The following UNC13C variants were observed in gnomAD, a reference collection of about 807,000 sequenced individuals.
UNC13C encodes the protein protein unc-13 homolog C.
In UNC13C, 174 loss-of-function variants were observed where a neutral mutation model predicts 245.4. That is an observed-to-expected ratio of 0.71 (90% CI 0.63 to 0.80). UNC13C has a LOEUF of 0.80. UNC13C is among the 30% of genes least tolerant of loss of function. UNC13C has a pLI of 0.00. For missense variants in UNC13C, 2,829 were observed against 2,602.9 expected, an observed-to-expected ratio of 1.09 and a Z score of -1.89; for synonymous variants, 992 against 895.1, an observed-to-expected ratio of 1.11 and a Z score of -1.93.
rs181197802 is a variant in UNC13C at position 53,991,144 on chromosome 15, G to T, written c.-257+12217G>T. 4.9e-4 allele frequency among the ~76,000 whole-genome samples: 74 copies of T among 152,086 alleles called. 1 individual carries two copies. The highest frequency in any genetic ancestry group is 1.7e-3 in the African/African-American group (72 of 41,518). Reference sequence around the variant, plus strand: ...AATTATGAGACTTCTTTCTATTAGGGTATCATTTATAACCTGGTACTTGAA... The same window carrying T: ...AATTATGAGACTTCTTTCTATTAGGTTATCATTTATAACCTGGTACTTGAA... On this transcript the variant is annotated intron_variant, in intron 1 of 32. Coordinates refer to ENST00000260323, the MANE Select transcript of UNC13C (RefSeq NM_001080534.3).
In UNC13C at chr15:54,006,629, T is replaced by C. The variant is rs573386925; in HGVS notation, c.-256-6019T>C. ...TACTCCTTCATGTGGAAAGGATATA[T>C]AAAACAGGTATAAATCTTCATTGAC... is the stretch of plus-strand genomic sequence containing the variant. On this transcript the variant is annotated intron_variant, in intron 1 of 32. Transcript: ENST00000260323. 8.5e-4 allele frequency among the ~76,000 whole-genome samples: 129 copies of C among 152,326 alleles called. 1 individual carries two copies. The highest frequency in any genetic ancestry group is 1.7e-3 in the South Asian group (8 of 4,824).
chr15:54,537,954 C>A (rs1226797563), intron 26 of UNC13C, among the ~76,000 whole-genome samples: 1 of 151,120 alleles, frequency 6.6e-6, no homozygotes, highest in Admixed American at 6.6e-5. Flanking sequence ...ATTCCAAAAG[C>A]AATTGCAACA....
At chr15:54,608,316 C>T (rs117686970) in intron 30 of UNC13C, among the ~76,000 whole-genome samples, 57 of 152,292 alleles carry the variant, frequency 3.7e-4, no homozygotes, top group Non-Finnish European at 7.8e-4. Context: ...CTCATTTTGT[C>T]CTCATGATCT....
At chr15:54,354,326 A>C (rs2039047159) in intron 17 of UNC13C, among the ~76,000 whole-genome samples, 1 of 152,186 alleles carries the variant, frequency 6.6e-6, no homozygotes, top group African/African-American at 2.4e-5. Context: ...TGCTAAATTC[A>C]CTGACCAGAC....
At chr15:53,861,053 A>G in the UNC13C span, among the ~76,000 whole-genome samples, 1 of 152,204 alleles carries the variant, frequency 6.6e-6, no homozygotes, top group East Asian at 1.9e-4. Flanking sequence ...AAAGCTAGAG[A>G]TACTTTACAT....
chr15:54,627,354 GTTTAT>G lies in UNC13C; in HGVS notation c.*245_*249del, dbSNP rs997779534. 74 of 333,112 alleles carry G rather than the reference GTTTAT, an allele frequency of 2.2e-4. No homozygotes were observed. The highest frequency in any genetic ancestry group is 1.4e-3 in the African/African-American group (69 of 47,758). The allele number at this position is 333,112 out of a possible 1,614,324, so 20.6% of individuals were successfully genotyped here. ...AAATATCAAGAACACCTTTTAACAT[GTTTAT>G]TTTGTTTCTTTACCCATTTCACATT... On this transcript the variant is annotated 3_prime_UTR_variant, in exon 33 of 33. Coordinates refer to ENST00000260323, the MANE Select transcript of UNC13C (RefSeq NM_001080534.3).
At chr15:53,995,370 C>A (rs1311335692) in intron 1 of UNC13C, among the ~76,000 whole-genome samples, 1 of 152,020 alleles carries the variant, frequency 6.6e-6, no homozygotes, top group Non-Finnish European at 1.5e-5. Flanking sequence ...CAGTCTTCAA[C>A]CTAGAAATCA....
chr15:54,049,338 A>G (rs1897175836), intron 2 of UNC13C: 5 of 511,480 alleles, frequency 9.8e-6, no homozygotes, highest in Non-Finnish European at 1.9e-5. Context: ...CGATACTACT[A>G]ACATCTACAA....
At chr15:53,859,010 T>A in the UNC13C span, among the ~76,000 whole-genome samples, 1 of 152,092 alleles carries the variant, frequency 6.6e-6, no homozygotes, top group African/African-American at 2.4e-5. Context: ...ATATTTGAAG[T>A]CTGATAAATC....
At chr15:54,121,488 G>A (rs2030664625) in intron 2 of UNC13C, among the ~76,000 whole-genome samples, 1 of 151,984 alleles carries the variant, frequency 6.6e-6, no homozygotes. Context: ...TGTTTCTGTG[G>A]TATGCCTGTG....
chr15:54,630,151 T>C (rs578237484), downstream of UNC13C: 5 of 152,310 alleles, frequency 3.3e-5, no homozygotes, highest in East Asian at 9.6e-4. Context: ...TGGATAAACC[T>C]CACATTACAG....
At chr15:54,191,512 C>T (rs551181066) in intron 4 of UNC13C, among the ~76,000 whole-genome samples, 9 of 152,228 alleles carry the variant, frequency 5.9e-5, no homozygotes, top group African/African-American at 1.9e-4. Context: ...AATAAACATA[C>T]GTGTGCATGA....
At chr15:54,088,973 T>G (rs73420912) in intron 2 of UNC13C, among the ~76,000 whole-genome samples, 12 of 152,172 alleles carry the variant, frequency 7.9e-5, no homozygotes, top group African/African-American at 2.7e-4. Context: ...AACATCCACA[T>G]GAAGTTCCAG....
At chr15:54,200,790 G>C (rs370942496) in intron 4 of UNC13C, among the ~76,000 whole-genome samples, 1 of 151,750 alleles carries the variant, frequency 6.6e-6, no homozygotes, top group East Asian at 1.9e-4. Flanking sequence ...CCAAACCCAA[G>C]CCCAGCAGAA....
intron 10 of UNC13C, among the ~76,000 whole-genome samples, chr15:54,282,085 C>G (rs952566523): frequency 6.6e-6 from 1 of 152,092 alleles, no homozygotes; most frequent in Non-Finnish European, 1.5e-5. Context: ...TGAATTGACT[C>G]TACTTTTAGG....
chr15:54,556,073 T>C (rs1028598242), intron 29 of UNC13C, among the ~76,000 whole-genome samples: 1 of 152,104 alleles, frequency 6.6e-6, no homozygotes, highest in Non-Finnish European at 1.5e-5. Flanking sequence ...GTATGCTAAA[T>C]ATGTGCAGAT....
chr15:53,999,216 C>T (rs914623954), intron 1 of UNC13C, among the ~76,000 whole-genome samples: 14 of 151,732 alleles, frequency 9.2e-5, no homozygotes, highest in Middle Eastern at 3.4e-3. Context: ...TTAAAAATTC[C>T]GCCTGGAGCT....
At chr15:54,533,525 C>A (rs767320569) in intron 26 of UNC13C, among the ~76,000 whole-genome samples, 9 of 152,196 alleles carry the variant, frequency 5.9e-5, no homozygotes, top group Non-Finnish European at 8.8e-5. Flanking sequence ...CCTGACCCAA[C>A]CTTCAATAAC....
the UNC13C span, among the ~76,000 whole-genome samples, chr15:53,932,902 T>C: frequency 6.6e-6 from 1 of 152,208 alleles, no homozygotes; most frequent in Admixed American, 6.5e-5. Flanking sequence ...TAATTAAACA[T>C]GCCAAAAGAG....
Sources: allele counts gnomAD v4.1 joint callset (sites outside exome capture counted in the v4.1 genomes callset), GRCh38; gene constraint gnomAD v4.1.1; transcripts MANE v1.5; gene names NCBI Gene and HGNC (gene_info 2026-07-23, HGNC 2026-07-21).